The following GPC6 variants were observed in gnomAD, a reference collection of about 807,000 sequenced individuals.
GPC6 encodes glypican-6.
GPC6 carries 14 observed loss-of-function variants against 55.2 expected under a neutral mutation model. The observed-to-expected ratio is 0.25, with a 90% confidence interval of 0.17 to 0.40. The LOEUF is 0.40. Ranked by LOEUF, GPC6 falls within the 10% of genes least tolerant of loss-of-function variation. GPC6 has a pLI of 1.00. For missense variants in GPC6, 641 were observed against 708.5 expected (o/e 0.90, Z 1.08); for synonymous variants, 278 against 259.6 (o/e 1.07, Z -0.68).
intron 1 of GPC6, among the ~76,000 whole-genome samples, chr13:93,416,965 G>A (rs763314190): frequency 9.2e-5 from 14 of 152,224 alleles, no homozygotes; most frequent in Non-Finnish European, 8.8e-5. Flanking sequence ...ACTTGACCTG[G>A]AAATATGTGC....
At chr13:94,271,666 C>T (rs548892507) in intron 4 of GPC6, among the ~76,000 whole-genome samples, 86 of 152,232 alleles carry the variant, frequency 5.6e-4, no homozygotes, top group Non-Finnish European at 4.9e-4. Flanking sequence ...GTGATTAGAA[C>T]AGTACCAAGC....
At chr13:93,654,439 T>C (rs1880564847) in intron 2 of GPC6, among the ~76,000 whole-genome samples, 1 of 151,932 alleles carries the variant, frequency 6.6e-6, no homozygotes, top group Admixed American at 6.6e-5. Context: ...GCGGTTCTCC[T>C]GCCTTAGCCT....
intron 3 of GPC6, among the ~76,000 whole-genome samples, chr13:94,001,442 A>C (rs1881795569): frequency 6.6e-6 from 1 of 152,214 alleles, no homozygotes; most frequent in South Asian, 2.1e-4. Context: ...TTTAAAAATA[A>C]ATGATAGGTA....
At chr13:93,382,938 C>A (rs7328357) in intron 1 of GPC6, among the ~76,000 whole-genome samples, 2 of 152,130 alleles carry the variant, frequency 1.3e-5, no homozygotes, top group Admixed American at 6.6e-5. Context: ...TGCCCCCACC[C>A]ATCCTTTCCC....
intron 2 of GPC6, among the ~76,000 whole-genome samples, chr13:93,773,261 A>AT (rs958669249): frequency 9.2e-5 from 14 of 152,210 alleles, no homozygotes; most frequent in Admixed American, 3.3e-4. Flanking sequence ...CTCTTTAATA[A>AT]TACAATGTTA....
intron 4 of GPC6, among the ~76,000 whole-genome samples, chr13:94,037,427 G>A (rs536996557): frequency 1.8e-4 from 27 of 151,678 alleles, no homozygotes; most frequent in Non-Finnish European, 3.5e-4. Context: ...ATAAAATTAA[G>A]CAAGAGTTAT....
At chr13:93,964,968 A>G (rs1313805050) in intron 3 of GPC6, among the ~76,000 whole-genome samples, 1 of 152,116 alleles carries the variant, frequency 6.6e-6, no homozygotes, top group Admixed American at 6.6e-5. Flanking sequence ...AAGTTTTAAT[A>G]CTATTGCTAC....
intron 2 of GPC6, among the ~76,000 whole-genome samples, chr13:93,575,959 T>G (rs898365522): frequency 4.6e-5 from 7 of 152,176 alleles, no homozygotes; most frequent in African/African-American, 1.7e-4. Context: ...GTTGCCTAAA[T>G]GCACAAGACT....
At chr13:94,046,721 G>A (rs182808152) in intron 4 of GPC6, among the ~76,000 whole-genome samples, 15 of 151,964 alleles carry the variant, frequency 9.9e-5, no homozygotes, top group South Asian at 2.1e-4. Flanking sequence ...GTTTTCCTGC[G>A]TTTGTGTGTC....
chr13:93,706,862 G>A (rs1242584554), intron 2 of GPC6, among the ~76,000 whole-genome samples: 1 of 151,874 alleles, frequency 6.6e-6, no homozygotes, highest in Non-Finnish European at 1.5e-5. Flanking sequence ...ACAGACTAGT[G>A]AGAATACAAT....
At chr13:93,950,543 T>C (rs1040673272) in intron 3 of GPC6, among the ~76,000 whole-genome samples, 2 of 152,198 alleles carry the variant, frequency 1.3e-5, no homozygotes, top group African/African-American at 4.8e-5. Context: ...TGATAAATTA[T>C]GATACATTTA....
intron 4 of GPC6, among the ~76,000 whole-genome samples, chr13:94,257,510 T>C (rs1891541157): frequency 6.6e-6 from 1 of 152,146 alleles, no homozygotes; most frequent in African/African-American, 2.4e-5. Context: ...CAGCCCTCTC[T>C]TAGAAATAAT....
chr13:93,553,694 C>CAAA (rs34521652), intron 2 of GPC6, among the ~76,000 whole-genome samples: 64 of 56,546 alleles, frequency 1.1e-3, no homozygotes, highest in African/African-American at 1.6e-3. Context: ...GACTCCATCT[C>CAAA]AAAAAAAAAA....
At chr13:93,529,925 A>G (rs1278379891) in intron 1 of GPC6, among the ~76,000 whole-genome samples, 1 of 152,228 alleles carries the variant, frequency 6.6e-6, no homozygotes, top group East Asian at 1.9e-4. Context: ...AAATGAATGA[A>G]TGAATAAATA....
chr13:93,469,974 G>A (rs897029302), intron 1 of GPC6, among the ~76,000 whole-genome samples: 4 of 152,068 alleles, frequency 2.6e-5, no homozygotes, highest in Non-Finnish European at 5.9e-5. Context: ...CTATTCAGTT[G>A]GTCAATGTGT....
chr13:93,679,284 T>TAGGGCCACTTCTG (rs1881761418), intron 2 of GPC6, among the ~76,000 whole-genome samples: 8 of 152,040 alleles, frequency 5.3e-5, no homozygotes, highest in Non-Finnish European at 7.4e-5. Context: ...TGTGGACCAA[T>TAGGGCCACTTCTG]AATGGGAAAT....
At chr13:93,256,331 ATCG>A (rs1252341182) in intron 1 of GPC6, among the ~76,000 whole-genome samples, 8 of 152,090 alleles carry the variant, frequency 5.3e-5, no homozygotes, top group Admixed American at 1.3e-4. Flanking sequence ...GACAAGAGAG[ATCG>A]TCATTTTTTT....
intron 6 of GPC6, among the ~76,000 whole-genome samples, chr13:94,323,794 G>A (rs148034231): frequency 3.3e-5 from 5 of 152,270 alleles, no homozygotes; most frequent in African/African-American, 1.2e-4. Flanking sequence ...TATTCGATAG[G>A]ATTTCAAGTA....
intron 1 of GPC6, among the ~76,000 whole-genome samples, chr13:93,443,888 G>A (rs1160548575): frequency 6.6e-6 from 1 of 152,156 alleles, no homozygotes; most frequent in East Asian, 1.9e-4. Context: ...TGACATCAGA[G>A]CCATAAATAA....
Sources: gnomAD v4.1 joint callset for allele counts (sites outside exome capture counted in the v4.1 genomes callset) on GRCh38, gnomAD v4.1.1 for gene constraint, MANE v1.5 for transcripts, NCBI Gene and HGNC (gene_info 2026-07-23, HGNC 2026-07-21) for gene names.